RNF130: variants seen among roughly 807,000 people sequenced by gnomAD.
RNF130 encodes the protein ring finger protein 130.
RNF130 carries 21 observed loss-of-function variants against 44.6 expected under a neutral mutation model. The ratio of observed to expected loss-of-function variants is 0.47; its 90% CI spans 0.33 to 0.68. RNF130 has a LOEUF of 0.68. RNF130 is among the 30% of genes least tolerant of loss of function. The pLI is 0.02. For synonymous variants in RNF130, 214 were observed against 210.4 expected (o/e 1.02, Z -0.15); for missense variants, 479 against 560.6 (o/e 0.85, Z 1.47).
intron 7 of RNF130, among the ~76,000 whole-genome samples, chr5:179,948,895 G>C (rs561364351): frequency 6.6e-6 from 1 of 151,958 alleles, no homozygotes; most frequent in African/African-American, 2.4e-5. Flanking sequence ...TTGCTTTCCC[G>C]TGGAGGGTCT....
intron 7 of RNF130, among the ~76,000 whole-genome samples, chr5:179,931,274 A>C (rs1447037051): frequency 6.6e-6 from 1 of 152,182 alleles, no homozygotes; most frequent in East Asian, 1.9e-4. Context: ...TGAATCACAC[A>C]AAGTCCATTT....
chr5:180,009,696 T>A (rs6873994), intron 3 of RNF130, among the ~76,000 whole-genome samples: 1 of 152,150 alleles, frequency 6.6e-6, no homozygotes. Context: ...TGCACTTATC[T>A]TAACAGCCCA....
chr5:179,961,253 ACTCT>A (rs1762322522), intron 8 of RNF130, among the ~76,000 whole-genome samples: 1 of 151,732 alleles, frequency 6.6e-6, no homozygotes, highest in South Asian at 2.1e-4. Flanking sequence ...GCACACACAC[ACTCT>A]CTCCATTTTT....
At chr5:179,931,232 C>A (rs898389338) in intron 7 of RNF130, among the ~76,000 whole-genome samples, 2 of 151,888 alleles carry the variant, frequency 1.3e-5, no homozygotes, top group Non-Finnish European at 2.9e-5. Context: ...ACACTGATGG[C>A]GATACAGTGT....
chr5:180,066,232 A>G (rs1582235853), intron 1 of RNF130, among the ~76,000 whole-genome samples: 1 of 152,192 alleles, frequency 6.6e-6, no homozygotes, highest in Admixed American at 6.5e-5. Context: ...GTGATAGTGA[A>G]TAAGTCTCAC....
At chr5:179,917,044 A>C (rs1019501327) in exon 8 of RNF130, 2 of 152,190 alleles carry the variant, frequency 1.3e-5, no homozygotes, top group African/African-American at 2.4e-5. Context: ...ACAAAAAATT[A>C]GCTGGGCGTC....
At chr5:179,920,579 G>A (rs916276347) in intron 7 of RNF130, among the ~76,000 whole-genome samples, 8 of 151,976 alleles carry the variant, frequency 5.3e-5, no homozygotes, top group African/African-American at 1.2e-4. Flanking sequence ...CAAAAAGTGC[G>A]GGCATCCTTC....
chr5:180,031,443 C>T (rs527689002), intron 2 of RNF130, among the ~76,000 whole-genome samples: 1 of 152,196 alleles, frequency 6.6e-6, no homozygotes, highest in South Asian at 2.1e-4. Flanking sequence ...ACCAAGATCA[C>T]ACCACTGCAC....
At chr5:179,991,352 A>C (rs911551778) in intron 3 of RNF130, among the ~76,000 whole-genome samples, 8 of 152,150 alleles carry the variant, frequency 5.3e-5, no homozygotes, top group African/African-American at 1.9e-4. Context: ...TTGCCTGTTA[A>C]TCTTTCTGCC....
At chr5:180,040,211 A>T (rs1320259963) in intron 2 of RNF130, among the ~76,000 whole-genome samples, 1 of 152,178 alleles carries the variant, frequency 6.6e-6, no homozygotes, top group Non-Finnish European at 1.5e-5. Context: ...ATGCAAAACA[A>T]CTAAGGATTT....
At chr5:180,047,742 T>TA (rs996191582) in intron 1 of RNF130, among the ~76,000 whole-genome samples, 1 of 152,086 alleles carries the variant, frequency 6.6e-6, no homozygotes. Flanking sequence ...AGACTCTGTC[T>TA]AAAAAAATAA....
In RNF130 at chr5:179,946,719, A is replaced by G. The variant is rs558615040; in HGVS notation, c.1150+20087T>C. The stretch of plus-strand genomic sequence containing the variant: ...CAGGCGCCCGCCACCACGCCCGGCT[A>G]ATTTTTTTGTATTTTTAGTAGAGAC... On this transcript the variant is annotated intron_variant, in intron 7 of 7. Coordinates refer to the RNF130 transcript ENST00000522208. Among the ~76,000 whole-genome samples the G allele has an allele frequency of 3.3e-5, 5 of 152,008 alleles. No individual in the cohort carries two copies. In the South Asian group the frequency reaches 8.3e-4, roughly 25 times the overall value.
intron 2 of RNF130, among the ~76,000 whole-genome samples, chr5:180,016,430 G>A (rs531656618): frequency 2.6e-5 from 4 of 152,280 alleles, no homozygotes; most frequent in Non-Finnish European, 4.4e-5. Flanking sequence ...AGACTGTAAC[G>A]CTGTAAATAT....
intron 2 of RNF130, among the ~76,000 whole-genome samples, chr5:180,026,508 G>A (rs1763988470): frequency 1.3e-5 from 2 of 152,208 alleles, no homozygotes; most frequent in South Asian, 4.1e-4. Flanking sequence ...GGTAACAAGT[G>A]AAACCACACA....
At chr5:179,983,276 C>T (rs1423279942) in intron 3 of RNF130, among the ~76,000 whole-genome samples, 4 of 149,580 alleles carry the variant, frequency 2.7e-5, no homozygotes, top group South Asian at 2.1e-4. Context: ...TTTATAGTTT[C>T]GTACTTTGTA....
intron 1 of RNF130, among the ~76,000 whole-genome samples, chr5:180,060,925 T>C (rs533346071): frequency 1.2e-3 from 188 of 151,788 alleles, no homozygotes; most frequent in African/African-American, 4.4e-3. Flanking sequence ...AAAAATTAGC[T>C]GGGCGAGGTA....
intron 7 of RNF130, among the ~76,000 whole-genome samples, chr5:179,937,379 G>A (rs1761906322): frequency 6.6e-6 from 1 of 152,130 alleles, no homozygotes; most frequent in East Asian, 1.9e-4. Flanking sequence ...ATTAAAAAAT[G>A]GGCAAAGGAC....
Position 179,937,138 on chromosome 5 carries a change from C to T in RNF130, c.1151-16712G>A, listed in dbSNP as rs80030936. 3.5e-3 allele frequency among the ~76,000 whole-genome samples: 529 copies of T among 149,500 alleles called. 2 individuals carry two copies. The highest frequency in any genetic ancestry group is 3.7e-3 in the Admixed American group (55 of 14,928). ...TCATCAAAACGAAATATCATCAAAACGAAATATCATCAAAACGAAATATCA... is the reference window on the plus strand; with the variant it reads ...TCATCAAAACGAAATATCATCAAAATGAAATATCATCAAAACGAAATATCA... On this transcript the variant is annotated intron_variant, in intron 7 of 7. Transcript: ENST00000522208.
At chr5:179,963,588 A>T in intron 7 of RNF130, 24 bp from the exon 8 acceptor site, 2 of 1,528,236 alleles carry the variant, frequency 1.3e-6, no homozygotes, top group Non-Finnish European at 1.8e-6. Flanking sequence ...AAAGGGAGGA[A>T]ATCACTCTGG....
Sources: gnomAD v4.1 joint callset for allele counts (sites outside exome capture counted in the v4.1 genomes callset) on GRCh38, gnomAD v4.1.1 for gene constraint, MANE v1.5 for transcripts, NCBI Gene and HGNC (gene_info 2026-07-23, HGNC 2026-07-21) for gene names.